The following SLC2A13 variants were observed in gnomAD, a reference collection of about 807,000 sequenced individuals.
The protein encoded by SLC2A13 is solute carrier family 2 member 13.
A neutral mutation model predicts 64.4 loss-of-function variants in SLC2A13; 32 were observed. That is an observed-to-expected ratio of 0.50 (90% confidence interval 0.37 to 0.67). The LOEUF is 0.67. SLC2A13 is among the 30% of genes least tolerant of loss of function. The probability of loss-of-function intolerance (pLI) is 0.00; values close to 1 mark genes in which losing one functional copy is unlikely to be tolerated. For missense variants in SLC2A13, 743 were observed against 829.2 expected, an observed-to-expected ratio of 0.90 and a Z score of 1.28; for synonymous variants, 338 against 327.1, an observed-to-expected ratio of 1.03 and a Z score of -0.36.
rs1592141344 is a variant in SLC2A13, at chr12:39,791,251, A to C, written c.1446-26393T>G. Among the ~76,000 whole-genome samples, 3 of 141,422 alleles carry C rather than the reference A, an allele frequency of 2.1e-5. No homozygotes were observed. In the South Asian group the frequency reaches 7.3e-4, roughly 34 times the overall value. 92.8% of individuals were successfully genotyped at this position (141,422 alleles called of 152,430 possible). A position where few individuals can be genotyped will look rare whatever the true frequency, so the allele number is the denominator to read the frequency against. ...AAATAATAAGAGCTATCTATGACAA[A>C]CCCACAGCCAATATCATACTGAATG... On this transcript the variant is annotated intron_variant, in intron 7 of 9. Transcript: ENST00000280871.
At chr12:39,918,381 TA>T (rs1945555886) in intron 4 of SLC2A13, among the ~76,000 whole-genome samples, 1 of 145,562 alleles carries the variant, frequency 6.9e-6, no homozygotes, top group Non-Finnish European at 1.5e-5. Context: ...TTTTTTTCGG[TA>T]CGAAACAAGA....
At chr12:39,936,377 G>A (rs1281975303) in intron 4 of SLC2A13, among the ~76,000 whole-genome samples, 1 of 152,154 alleles carries the variant, frequency 6.6e-6, no homozygotes, top group East Asian at 1.9e-4. Context: ...AGAAGAGGAT[G>A]TTCTCTAAGA....
At chr12:40,100,368 A>G (rs1939102977) in intron 1 of SLC2A13, among the ~76,000 whole-genome samples, 1 of 152,230 alleles carries the variant, frequency 6.6e-6, no homozygotes, top group African/African-American at 2.4e-5. Context: ...CACCACTTAT[A>G]ATAAGCAGTA....
chr12:39,950,172 C>T (rs1255908071), intron 4 of SLC2A13: 1 of 151,998 alleles, frequency 6.6e-6, no homozygotes, highest in Non-Finnish European at 1.5e-5. Context: ...GGTCCTAATC[C>T]TTCTTTTTTA....
chr12:39,832,397 C>T (rs59472598), intron 6 of SLC2A13, among the ~76,000 whole-genome samples: 2,811 of 152,082 alleles, frequency 0.018, 89 homozygotes, highest in African/African-American at 0.062. Context: ...TTTATTTCTC[C>T]GAAAATATGT....
chr12:39,823,836 T>C (rs577082330), intron 7 of SLC2A13, among the ~76,000 whole-genome samples: 137 of 152,348 alleles, frequency 9.0e-4, no homozygotes, highest in African/African-American at 3.2e-3. Flanking sequence ...CATGGTTAAG[T>C]ATTATTTTTA....
At chr12:39,978,941 G>C (rs1437356176) in intron 3 of SLC2A13, among the ~76,000 whole-genome samples, 5 of 149,148 alleles carry the variant, frequency 3.4e-5, no homozygotes, top group Non-Finnish European at 7.5e-5. Context: ...GCTTTGAAGA[G>C]AGCAGTGGTT....
chr12:40,062,218 TC>T (rs2136254297), intron 1 of SLC2A13, among the ~76,000 whole-genome samples: 1 of 152,170 alleles, frequency 6.6e-6, no homozygotes, highest in South Asian at 2.1e-4. Context: ...TTTTAAGAGA[TC>T]AGATAGGTGG....
chr12:39,790,458 G>C lies in SLC2A13; in HGVS notation c.1446-25600C>G, dbSNP rs1941355634. On this transcript the variant is annotated intron_variant, in intron 7 of 9. Coordinates refer to ENST00000280871, the MANE Select transcript of SLC2A13 (RefSeq NM_052885.4). ...TTGTTCAATTCCCACCTATGAGTGA[G>C]AATATGCGGTGTTTGGTTTTTTGTT... is the stretch of plus-strand genomic sequence containing the variant. Among the ~76,000 whole-genome samples, 2 of 148,924 alleles carry C rather than the reference G, an allele frequency of 1.3e-5. 1 individual carries two copies. Among genetic ancestry groups the C allele is most frequent in the Admixed American group, 1.3e-4 (2 of 14,818 alleles).
intron 7 of SLC2A13, among the ~76,000 whole-genome samples, chr12:39,827,623 T>G (rs1192338971): frequency 6.6e-6 from 1 of 152,120 alleles, no homozygotes; most frequent in Non-Finnish European, 1.5e-5. Flanking sequence ...GGGGAGGTTA[T>G]GGGCAGGAGG....
chr12:40,013,038 A>T (rs1947556359), intron 3 of SLC2A13, among the ~76,000 whole-genome samples: 1 of 152,214 alleles, frequency 6.6e-6, no homozygotes, highest in Non-Finnish European at 1.5e-5. Context: ...ACATAAGGAG[A>T]CAGTAAAGGA....
At chr12:40,007,597 A>G (rs982453748) in intron 3 of SLC2A13, among the ~76,000 whole-genome samples, 4 of 152,216 alleles carry the variant, frequency 2.6e-5, no homozygotes, top group Non-Finnish European at 5.9e-5. Flanking sequence ...GTATCCTTAT[A>G]TAGTACATTG....
chr12:40,087,916 ATAATT>A (rs1247720640), intron 1 of SLC2A13, among the ~76,000 whole-genome samples: 1 of 152,222 alleles, frequency 6.6e-6, no homozygotes, highest in Non-Finnish European at 1.5e-5. Context: ...ACAAATAACT[ATAATT>A]TATACTGATT....
At chr12:40,002,720 G>A (rs750207369) in intron 3 of SLC2A13, among the ~76,000 whole-genome samples, 1 of 152,110 alleles carries the variant, frequency 6.6e-6, no homozygotes, top group South Asian at 2.1e-4. Flanking sequence ...CACTGAGGAA[G>A]GTAAAGACAC....
At chr12:39,902,195 G>T (rs927788587) in intron 4 of SLC2A13, among the ~76,000 whole-genome samples, 11 of 132,980 alleles carry the variant, frequency 8.3e-5, no homozygotes, top group African/African-American at 3.0e-4. Flanking sequence ...ACTGTTGTGG[G>T]GTGGGGTGGG....
chr12:39,961,544 A>G (rs1359999681), intron 3 of SLC2A13, among the ~76,000 whole-genome samples: 1 of 152,142 alleles, frequency 6.6e-6, no homozygotes, highest in African/African-American at 2.4e-5. Context: ...TGTGCCCCAG[A>G]CTAGAGTGCA....
intron 3 of SLC2A13, among the ~76,000 whole-genome samples, chr12:39,972,373 CTCATCCA>C (rs1385742796): frequency 6.6e-6 from 1 of 152,088 alleles, no homozygotes. Flanking sequence ...ATTAACATGA[CTCATCCA>C]TCATACTGCA....
chr12:40,002,423 T>C (rs1947335562), intron 3 of SLC2A13, among the ~76,000 whole-genome samples: 1 of 152,160 alleles, frequency 6.6e-6, no homozygotes, highest in South Asian at 2.1e-4. Flanking sequence ...ATACAAAGAA[T>C]AATGAATGAA....
At chr12:39,851,657 A>G (rs1413268853) in intron 6 of SLC2A13, among the ~76,000 whole-genome samples, 1 of 152,176 alleles carries the variant, frequency 6.6e-6, no homozygotes, top group Non-Finnish European at 1.5e-5. Flanking sequence ...CACATAGGAA[A>G]ACACCAATTA....
Sources: allele counts gnomAD v4.1 joint callset (sites outside exome capture counted in the v4.1 genomes callset), GRCh38; gene constraint gnomAD v4.1.1; transcripts MANE v1.5; gene names NCBI Gene and HGNC (gene_info 2026-07-23, HGNC 2026-07-21).